Variants in NXPE2 observed in about 807,000 individuals in gnomAD.
NXPE2 encodes the protein neurexophilin and PC-esterase domain family member 2.
In NXPE2, 34 loss-of-function variants were observed where a neutral mutation model predicts 34.4. The ratio of observed to expected loss-of-function variants is 0.99; its 90% CI spans 0.75 to 1.31. NXPE2 has a LOEUF of 1.31. Among genes scored for constraint, NXPE2 ranks in the 40% most tolerant of loss-of-function variants. The probability of loss-of-function intolerance (pLI) is 0.00; values close to 1 mark genes in which losing one functional copy is unlikely to be tolerated. For synonymous variants in NXPE2, 235 were observed against 231.3 expected (o/e 1.02, Z -0.15); for missense variants, 649 against 672.5 (o/e 0.97, Z 0.39).
chr11:114,796,304 G>A, the NXPE2 span, among the ~76,000 whole-genome samples: 1 of 152,088 alleles, frequency 6.6e-6, no homozygotes, highest in African/African-American at 2.4e-5. Flanking sequence ...AATTATTGTT[G>A]CTCTTTATTC....
chr11:114,474,135 C>T, the NXPE2 span, among the ~76,000 whole-genome samples: 18 of 151,816 alleles, frequency 1.2e-4, no homozygotes, highest in African/African-American at 3.9e-4. Context: ...GTCTAGTAGC[C>T]GCCATAAGGA....
At chr11:114,582,515 C>T in the NXPE2 span, 6 of 1,614,102 alleles carry the variant, frequency 3.7e-6, no homozygotes, top group Non-Finnish European at 4.2e-6. Context: ...TGAAGATCAC[C>T]CTGTCATAGC....
At chr11:114,757,853 G>T in the NXPE2 span, among the ~76,000 whole-genome samples, 7 of 152,178 alleles carry the variant, frequency 4.6e-5, no homozygotes, top group Non-Finnish European at 1.0e-4. Context: ...ATTTAATAAA[G>T]TGATTAAGCA....
the NXPE2 span, among the ~76,000 whole-genome samples, chr11:114,600,065 C>G: frequency 1.9e-4 from 29 of 152,142 alleles, no homozygotes; most frequent in African/African-American, 7.0e-4. Flanking sequence ...AGCATTAGAA[C>G]TCTTCAGTAA....
chr11:114,526,056 G>A, the NXPE2 span, among the ~76,000 whole-genome samples: 52 of 152,308 alleles, frequency 3.4e-4, no homozygotes, highest in African/African-American at 1.1e-3. Context: ...GGAAGAGGGA[G>A]GCAGAAGAGT....
the NXPE2 span, among the ~76,000 whole-genome samples, chr11:114,792,391 AC>A: frequency 1.3e-5 from 2 of 151,848 alleles, no homozygotes; most frequent in African/African-American, 4.8e-5. Flanking sequence ...CTGGACTCTG[AC>A]CCCCCATCTA....
chr11:114,646,018 ATC>A, the NXPE2 span, among the ~76,000 whole-genome samples: 1 of 152,004 alleles, frequency 6.6e-6, no homozygotes, highest in Non-Finnish European at 1.5e-5. Context: ...TCAGAGAAAA[ATC>A]TCTTGATTTT....
At chr11:114,603,554 G>T in the NXPE2 span, among the ~76,000 whole-genome samples, 1 of 151,344 alleles carries the variant, frequency 6.6e-6, no homozygotes, top group African/African-American at 2.4e-5. Flanking sequence ...TAACTTGGTG[G>T]ATGATAAGTA....
At chr11:114,515,662 T>C in the NXPE2 span, among the ~76,000 whole-genome samples, 7 of 152,288 alleles carry the variant, frequency 4.6e-5, no homozygotes, top group East Asian at 1.2e-3. Context: ...ACTGAATCTG[T>C]GACTGAATTC....
the NXPE2 span, among the ~76,000 whole-genome samples, chr11:114,630,265 T>G: frequency 2.0e-5 from 3 of 151,730 alleles, no homozygotes; most frequent in African/African-American, 7.3e-5. Context: ...CTACCTGACT[T>G]CAAACTATAC....
chr11:114,472,551 C>A, the NXPE2 span, among the ~76,000 whole-genome samples: 1 of 152,180 alleles, frequency 6.6e-6, no homozygotes, highest in African/African-American at 2.4e-5. Flanking sequence ...TCTGTGCAGG[C>A]TGCTATAACA....
At chr11:114,630,497 C>T in the NXPE2 span, among the ~76,000 whole-genome samples, 1 of 151,652 alleles carries the variant, frequency 6.6e-6, no homozygotes, top group African/African-American at 2.4e-5. Context: ...TGGATCCCTT[C>T]CTTACACCTT....
At chr11:114,660,129 A>G in the NXPE2 span, among the ~76,000 whole-genome samples, 3 of 152,060 alleles carry the variant, frequency 2.0e-5, no homozygotes, top group Non-Finnish European at 2.9e-5. Context: ...TAGCTTTGGG[A>G]GAAACTACAT....
chr11:114,656,482 A>G, the NXPE2 span, among the ~76,000 whole-genome samples: 1 of 152,172 alleles, frequency 6.6e-6, no homozygotes, highest in Admixed American at 6.5e-5. Context: ...GACAATTCTA[A>G]AAGCTGGAGG....
intron 2 of NXPE2, among the ~76,000 whole-genome samples, chr11:114,696,351 A>AAAAAAAAG (rs1951254728): frequency 6.7e-6 from 1 of 148,204 alleles, no homozygotes; most frequent in Non-Finnish European, 1.5e-5. Flanking sequence ...AAAAAAAAAA[A>AAAAAAAAG]AAAAAAAAGA....
At chr11:114,601,832 TTA>T in the NXPE2 span, among the ~76,000 whole-genome samples, 259 of 71,936 alleles carry the variant, frequency 3.6e-3, 3 homozygotes, top group Middle Eastern at 0.019. Context: ...TAATATATAA[TTA>T]TATATATAAT....
the NXPE2 span, among the ~76,000 whole-genome samples, chr11:114,719,346 T>C: frequency 1.3e-5 from 2 of 152,106 alleles, no homozygotes; most frequent in South Asian, 2.1e-4. Context: ...CAACACCAGA[T>C]GAGAAATATG....
chr11:114,629,472 C>T, the NXPE2 span, among the ~76,000 whole-genome samples: 5 of 149,272 alleles, frequency 3.3e-5, no homozygotes, highest in Admixed American at 2.7e-4. Context: ...ATTCAACAAC[C>T]CTTCATGCTA....
At chr11:114,658,374 C>T in the NXPE2 span, among the ~76,000 whole-genome samples, 8 of 152,106 alleles carry the variant, frequency 5.3e-5, no homozygotes, top group Non-Finnish European at 7.3e-5. Context: ...GGAGCACAGA[C>T]GTAAAGAGAC....
Sources: gnomAD v4.1 joint callset for allele counts (sites outside exome capture counted in the v4.1 genomes callset) on GRCh38, gnomAD v4.1.1 for gene constraint, MANE v1.5 for transcripts, NCBI Gene and HGNC (gene_info 2026-07-23, HGNC 2026-07-21) for gene names.